The following KANK1 variants were observed in gnomAD, a reference collection of about 807,000 sequenced individuals.
KANK1 encodes KN motif and ankyrin repeat domain-containing protein 1.
A neutral mutation model predicts 106.2 loss-of-function variants in KANK1; 109 were observed. That is an observed-to-expected ratio of 1.03 (90% CI 0.88 to 1.20). The LOEUF (loss-of-function observed/expected upper bound fraction) is 1.20. Ranked by LOEUF, KANK1 falls within the 50% of genes most tolerant of loss-of-function variation. KANK1 has a pLI of 0.00. For missense variants in KANK1, 2,399 were observed against 1,710.7 expected, an observed-to-expected ratio of 1.40 and a Z score of -7.10; for synonymous variants, 873 against 652.2, an observed-to-expected ratio of 1.34 and a Z score of -5.16.
chr9:531,034 T>C (rs1284662025), intron 1 of KANK1, among the ~76,000 whole-genome samples: 1 of 152,102 alleles, frequency 6.6e-6, no homozygotes, highest in Non-Finnish European at 1.5e-5. Context: ...ACTCAAAGAA[T>C]GTTTAGGGAC....
At chr9:632,262 G>C (rs1212470417) in intron 1 of KANK1, among the ~76,000 whole-genome samples, 1 of 151,914 alleles carries the variant, frequency 6.6e-6, no homozygotes, top group African/African-American at 2.4e-5. Context: ...TACTAAAATT[G>C]CATGCCCCTA....
intron 1 of KANK1, among the ~76,000 whole-genome samples, chr9:629,819 G>A (rs1835240059): frequency 6.6e-6 from 1 of 152,236 alleles, no homozygotes. Flanking sequence ...GTGATTCAGG[G>A]AGAGGACCAT....
intron 1 of KANK1, among the ~76,000 whole-genome samples, chr9:533,553 C>G (rs1278010673): frequency 1.3e-5 from 2 of 152,206 alleles, no homozygotes; most frequent in Non-Finnish European, 2.9e-5. Context: ...CTTAGACCAT[C>G]TGATTTTTAT....
intron 3 of KANK1, among the ~76,000 whole-genome samples, chr9:490,159 T>G (rs961617910): frequency 3.7e-4 from 57 of 152,314 alleles, no homozygotes; most frequent in African/African-American, 1.3e-3. Context: ...ATCTTCTTCT[T>G]CTAGAGTTTT....
At chr9:526,730 A>G (rs1244071401) in intron 1 of KANK1, among the ~76,000 whole-genome samples, 1 of 151,684 alleles carries the variant, frequency 6.6e-6, no homozygotes, top group African/African-American at 2.4e-5. Context: ...CTATCTTCTG[A>G]TGTTGAACCA....
chr9:539,111 C>A (rs2060454251), intron 1 of KANK1, among the ~76,000 whole-genome samples: 1 of 152,052 alleles, frequency 6.6e-6, no homozygotes, highest in South Asian at 2.1e-4. Context: ...GAACTCCTGG[C>A]CTCAAGTGAT....
At chr9:509,202 A>T (rs966172500) in intron 1 of KANK1, among the ~76,000 whole-genome samples, 2 of 152,074 alleles carry the variant, frequency 1.3e-5, no homozygotes, top group Non-Finnish European at 2.9e-5. Flanking sequence ...AGTTCAAGCA[A>T]TTCTCCTGCC....
chr9:506,688 A>T (rs982060957), intron 1 of KANK1, among the ~76,000 whole-genome samples: 16 of 152,372 alleles, frequency 1.1e-4, no homozygotes, highest in African/African-American at 3.8e-4. Context: ...TGATACATTC[A>T]AGACTAGTTT....
rs529263205 is a variant in KANK1, at chr9:744,656, C to T, written c.3996+67C>T. ...CACCAGACTGGTGGACCCCCTTCCT[C>T]CAGGAATTGACGGGAGACAGATTTT... On this transcript the variant is annotated intron_variant, in intron 11 of 11. Transcript: ENST00000382297. 84 of 1,613,286 alleles carry T rather than the reference C, an allele frequency of 5.2e-5. No homozygotes were observed. In the African/African-American group the frequency reaches 8.4e-4, roughly 16 times the overall value.
intron 10 of KANK1, among the ~76,000 whole-genome samples, chr9:743,558 G>A (rs942386896): frequency 6.6e-6 from 1 of 152,152 alleles, no homozygotes; most frequent in African/African-American, 2.4e-5. Flanking sequence ...TGACCAGAGG[G>A]AAATCCGTAT....
chr9:523,078 T>G (rs2059622690), intron 1 of KANK1, among the ~76,000 whole-genome samples: 2 of 151,688 alleles, frequency 1.3e-5, no homozygotes, highest in South Asian at 4.1e-4. Flanking sequence ...TAAGTGTGGT[T>G]GATATTCCAA....
chr9:724,153 C>G (rs568294998), intron 3 of KANK1, among the ~76,000 whole-genome samples: 1 of 152,034 alleles, frequency 6.6e-6, no homozygotes, highest in African/African-American at 2.4e-5. Flanking sequence ...ATGTGATAAT[C>G]ATACTTATCT....
In KANK1 at chr9:638,300, C is replaced by G. The variant is rs187449909; in HGVS notation, c.-83-38590C>G. On this transcript the variant is annotated intron_variant, in intron 1 of 11. Coordinates refer to ENST00000382297, the MANE Select transcript of KANK1 (RefSeq NM_015158.5). Reference sequence around the variant, plus strand: ...AGATCAGGGGGACATGTGGTAAACGCCTTCTTGCTGATACCAGTAAAGCCT... The same window carrying G: ...AGATCAGGGGGACATGTGGTAAACGGCTTCTTGCTGATACCAGTAAAGCCT... Among the ~76,000 whole-genome samples the G allele has an allele frequency of 1.8e-4, 28 of 152,278 alleles. No individual in the cohort carries two copies. The East Asian group carries it at 1.9e-3, about 10-fold the overall frequency.
At chr9:509,756 T>C (rs878869856) in intron 1 of KANK1, among the ~76,000 whole-genome samples, 13 of 152,230 alleles carry the variant, frequency 8.5e-5, no homozygotes, top group Admixed American at 3.9e-4. Flanking sequence ...AACTGCTGCC[T>C]GCAGAGTTAT....
intron 1 of KANK1, among the ~76,000 whole-genome samples, chr9:615,212 A>T (rs1294055361): frequency 6.6e-6 from 1 of 152,170 alleles, no homozygotes. Flanking sequence ...CTGGGATTAT[A>T]GTCTTGAGCT....
intron 7 of KANK1, 105 bp downstream of exon 7, chr9:734,940 T>C: frequency 1.3e-6 from 1 of 781,580 alleles, no homozygotes; most frequent in Non-Finnish European, 2.2e-6. Context: ...TGCATGCTTT[T>C]CTCCTGAACT....
chr9:537,754 G>C (rs887152176), intron 1 of KANK1, among the ~76,000 whole-genome samples: 8 of 152,296 alleles, frequency 5.3e-5, no homozygotes, highest in African/African-American at 1.9e-4. Context: ...ATTTTGGGGA[G>C]GGGTGCTACT....
intron 1 of KANK1, chr9:549,443 T>C (rs1316315835): frequency 6.6e-6 from 1 of 152,254 alleles, no homozygotes; most frequent in Non-Finnish European, 1.5e-5. Flanking sequence ...ACTAAACTGA[T>C]AGATGAAAGC....
chr9:623,132 G>A (rs1833542683), intron 1 of KANK1, among the ~76,000 whole-genome samples: 1 of 151,962 alleles, frequency 6.6e-6, no homozygotes, highest in Non-Finnish European at 1.5e-5. Flanking sequence ...CATACAGGCT[G>A]GGAGAGAATG....
Sources: allele counts gnomAD v4.1 joint callset (sites outside exome capture counted in the v4.1 genomes callset), GRCh38; gene constraint gnomAD v4.1.1; transcripts MANE v1.5; gene names NCBI Gene and HGNC (gene_info 2026-07-23, HGNC 2026-07-21).